C9orf43: variants seen among roughly 807,000 people sequenced by gnomAD.
C9orf43 encodes uncharacterized protein C9orf43.
Under a neutral mutation model 59.1 loss-of-function variants are expected in C9orf43, and 45 were observed. The ratio of observed to expected loss-of-function variants is 0.76; its 90% CI spans 0.60 to 0.98. The LOEUF is 0.98. Ranked by LOEUF, C9orf43 falls within the 50% of genes least tolerant of loss-of-function variation. C9orf43 has a pLI of 0.00. For synonymous variants in C9orf43, 203 were observed against 196.8 expected, an observed-to-expected ratio of 1.03 and a Z score of -0.26; for missense variants, 533 against 554.9, an observed-to-expected ratio of 0.96 and a Z score of 0.40.
chr9:113,424,236 A>T lies in C9orf43; in HGVS notation c.727A>T (p.Asn243Tyr), dbSNP rs755999475. 60 of 1,614,116 alleles carry T rather than the reference A, an allele frequency of 3.7e-5. No individual in the cohort carries two copies. Among genetic ancestry groups the T allele is most frequent in the Non-Finnish European group, 5.0e-5 (59 of 1,179,976 alleles). The change falls in exon 8 of 14, where the codon AAT becomes TAT. Residue 243 changes from asparagine (N) to tyrosine (Y), a missense_variant. By Grantham distance (143) the Asn-to-Tyr change is moderately radical (BLOSUM62 -2). Transcript: ENST00000374165. ...MKIKLAMMKK[N>Y]LPLEKNRPDS... ...GATAAAATTGGCCATGATGAAAAAG[A>T]ATCTTCCCTTGGAAAAGAACCGACC... is the stretch of plus-strand genomic sequence containing the variant.
intron 12 of C9orf43, among the ~76,000 whole-genome samples, chr9:113,428,506 T>C (rs1211871842): frequency 2.0e-5 from 3 of 152,138 alleles, no homozygotes; most frequent in African/African-American, 7.2e-5. Flanking sequence ...TCTTAAGGGA[T>C]GGGCCTGGAA....
chr9:113,428,216 C>T lies in C9orf43; in HGVS notation c.1100C>T (p.Ser367Leu), dbSNP rs538217577. Residue 367 changes from serine (S) to leucine (L), a missense_variant, in exon 12 of 14, where the codon TCG (serine) becomes TTG (leucine). Coordinates refer to ENST00000374165, the MANE Select transcript of C9orf43 (RefSeq NM_001278629.2). Reference sequence around the variant, plus strand: ...CAGCAGATGGAAAAAGGAACCACTTCGAAACAGGTGAGAGTGTACCAAGGC... The same window carrying T: ...CAGCAGATGGAAAAAGGAACCACTTTGAAACAGGTGAGAGTGTACCAAGGC... ...QQQQMEKGTT[S>L]KQDSTERPKM... 12 of 1,613,978 alleles carry T rather than the reference C, an allele frequency of 7.4e-6. No homozygotes were observed. In the Admixed American group the frequency reaches 8.3e-5, roughly 11 times the overall value.
Position 113,425,027 on chromosome 9 carries a change from A to G in C9orf43, c.816A>G (p.Ala272=). 1 of 1,612,072 alleles carries G rather than the reference A, an allele frequency of 6.2e-7. No individual in the cohort carries two copies. The highest frequency in any genetic ancestry group is 8.5e-7 in the Non-Finnish European group (1 of 1,179,898). Residue 272 remains alanine (A), a synonymous_variant, in exon 9 of 14, where the codon GCA becomes GCG. Coordinates refer to ENST00000374165, the MANE Select transcript of C9orf43 (RefSeq NM_001278629.2). ...SIHRLTLERP[A]LRYPERLKKL... ...CTTTTTTCTTTCTCCAGAGACCAGC[A>G]CTGCGATATCCTGAACGTTTGAAGA... is the stretch of plus-strand genomic sequence containing the variant.
intron 11 of C9orf43, among the ~76,000 whole-genome samples, chr9:113,426,755 G>A (rs1245202218): frequency 6.6e-6 from 1 of 152,148 alleles, no homozygotes; most frequent in Non-Finnish European, 1.5e-5. Context: ...TTCCGTTCTG[G>A]TGCCTTTTGT....
chr9:113,428,642 T>C (rs906427958), intron 12 of C9orf43, among the ~76,000 whole-genome samples: 5 of 151,964 alleles, frequency 3.3e-5, no homozygotes, highest in African/African-American at 1.2e-4. Flanking sequence ...CATACCAGAA[T>C]GGGAGGAATT....
At chr9:113,426,537 A>G (rs573689170) in intron 11 of C9orf43, among the ~76,000 whole-genome samples, 10 of 152,300 alleles carry the variant, frequency 6.6e-5, no homozygotes, top group African/African-American at 2.2e-4. Context: ...GAGGGCTGAG[A>G]TGAGGTTTCC....
chr9:113,422,958 G>A (rs1228455560), intron 6 of C9orf43, among the ~76,000 whole-genome samples: 1 of 152,152 alleles, frequency 6.6e-6, no homozygotes, highest in Non-Finnish European at 1.5e-5. Flanking sequence ...TGTGACCTTG[G>A]ATAAGTCACT....
chr9:113,426,944 T>G (rs1025621276), intron 11 of C9orf43, among the ~76,000 whole-genome samples: 1 of 152,114 alleles, frequency 6.6e-6, no homozygotes, highest in African/African-American at 2.4e-5. Flanking sequence ...GGGAAAGAAC[T>G]CTTGAGAGGG....
intron 3 of C9orf43, among the ~76,000 whole-genome samples, chr9:113,414,893 G>A (rs185508091): frequency 6.6e-6 from 1 of 152,220 alleles, no homozygotes; most frequent in African/African-American, 2.4e-5. Flanking sequence ...TGTCACCCAG[G>A]TTGGAGTGCA....
chr9:113,424,042 T>C (rs1273208788), intron 7 of C9orf43, 124 bp from the exon 8 acceptor site: 20 of 1,031,168 alleles, frequency 1.9e-5, no homozygotes, highest in Non-Finnish European at 2.7e-5. Context: ...TGAACACTTG[T>C]TGGTACAGGC....
chr9:113,422,360 C>T (rs1238713873), intron 5 of C9orf43, among the ~76,000 whole-genome samples, 189 bp from the exon 6 acceptor site: 1 of 152,170 alleles, frequency 6.6e-6, no homozygotes, highest in African/African-American at 2.4e-5. Context: ...GGTACTTGGG[C>T]AGCAGTTACT....
intron 3 of C9orf43, among the ~76,000 whole-genome samples, chr9:113,416,965 T>G (rs913755385): frequency 1.3e-5 from 2 of 152,222 alleles, no homozygotes; most frequent in Non-Finnish European, 2.9e-5. Flanking sequence ...TGTTGCTTTT[T>G]CACAGAAGTC....
rs1828765897 is a variant in C9orf43, at chr9:113,425,709, A to C, written c.1009A>C (p.Thr337Pro). ...QSTSHKHPVTTVHDRLYGYRT... is the reference protein window; with the variant it reads ...QSTSHKHPVTPVHDRLYGYRT... ...CACTTCACATAAACATCCAGTTACC[A>C]CCGTTCATGACCGTCTCTATGGTAA... is the stretch of plus-strand genomic sequence containing the variant. The change falls in exon 11 of 14, where the codon ACC (threonine) becomes CCC (proline). Residue 337 changes from threonine to proline, a missense_variant. Transcript: ENST00000374165. The C allele has an allele frequency of 6.2e-7, 1 of 1,613,448 alleles. No individual in the cohort carries two copies. Among genetic ancestry groups the C allele is most frequent in the African/African-American group, 1.3e-5 (1 of 74,892 alleles).
chr9:113,413,961 T>TC (rs770171369), intron 3 of C9orf43, 67 bp downstream of exon 3: 129 of 1,496,322 alleles, frequency 8.6e-5, no homozygotes, highest in Non-Finnish European at 1.1e-4. Flanking sequence ...ATTTTCCTTA[T>TC]CCATTAGTAT....
In C9orf43 at chr9:113,421,219, G is replaced by A. The variant is rs1353314651; in HGVS notation, c.446+16G>A. On this transcript the variant is annotated intron_variant, in intron 5 of 13. Coordinates refer to ENST00000374165, the MANE Select transcript of C9orf43 (RefSeq NM_001278629.2). ...TACATGTGAGGTGAGTATCATATCT[G>A]GAACTCAGAGGACTTTGACTCTATA... The A allele has an allele frequency of 6.4e-7, 1 of 1,552,360 alleles. No homozygotes were observed. Among genetic ancestry groups the A allele is most frequent in the Non-Finnish European group, 8.9e-7 (1 of 1,124,448 alleles).
At chr9:113,428,325 T>C in intron 12 of C9orf43, 102 bp downstream of exon 12, 2 of 1,131,126 alleles carry the variant, frequency 1.8e-6, no homozygotes, top group Non-Finnish European at 2.7e-6. Flanking sequence ...TGCTAATGAT[T>C]CTGTGGGTTG....
intron 1 of C9orf43, among the ~76,000 whole-genome samples, chr9:113,412,675 T>C (rs867844754): frequency 3.3e-5 from 5 of 152,358 alleles, no homozygotes; most frequent in African/African-American, 9.6e-5. Context: ...CTTCTGCTTA[T>C]GTTATTTATT....
chr9:113,422,303 T>C (rs1409704287), intron 5 of C9orf43, among the ~76,000 whole-genome samples: 30 of 152,208 alleles, frequency 2.0e-4, no homozygotes, highest in Non-Finnish European at 1.5e-5. Flanking sequence ...GAGAGAATAA[T>C]GGGAAACCTA....
chr9:113,413,680 G>A, intron 2 of C9orf43, 36 bp downstream of exon 2: 1 of 1,612,308 alleles, frequency 6.2e-7, no homozygotes, highest in Non-Finnish European at 8.5e-7. Context: ...CCCTCACGAG[G>A]TCCTTAACGT....
Sources: allele counts gnomAD v4.1 joint callset (sites outside exome capture counted in the v4.1 genomes callset), GRCh38; gene constraint gnomAD v4.1.1; transcripts MANE v1.5; gene names NCBI Gene and HGNC (gene_info 2026-07-23, HGNC 2026-07-21).